The following CCDC178 variants were observed in gnomAD, a reference collection of about 807,000 sequenced individuals.
CCDC178 encodes coiled-coil domain-containing protein 178.
In CCDC178, 126 loss-of-function variants were observed where a neutral mutation model predicts 117.4. The ratio of observed to expected loss-of-function variants is 1.07; its 90% CI spans 0.93 to 1.24. CCDC178 has a LOEUF of 1.24. CCDC178 is among the 50% of genes most tolerant of loss of function. The pLI is 0.00. For missense variants in CCDC178, 1,030 were observed against 986.9 expected (o/e 1.04, Z -0.59); for synonymous variants, 283 against 313.4 (o/e 0.90, Z 1.02).
At chr18:33,066,789 C>G (rs533643981) in intron 21 of CCDC178, among the ~76,000 whole-genome samples, 1 of 152,188 alleles carries the variant, frequency 6.6e-6, no homozygotes, top group Non-Finnish European at 1.5e-5. Flanking sequence ...AGGACTAATC[C>G]ATCAAGAGGA....
At chr18:32,962,385 T>C (rs1288627081) in intron 22 of CCDC178, among the ~76,000 whole-genome samples, 3 of 152,218 alleles carry the variant, frequency 2.0e-5, no homozygotes, top group Non-Finnish European at 4.4e-5. Flanking sequence ...GGTTTTCTTC[T>C]GGTCATTTCC....
chr18:33,251,184 C>T, intron 14 of CCDC178, among the ~76,000 whole-genome samples: 1 of 151,582 alleles, frequency 6.6e-6, no homozygotes, highest in Admixed American at 6.6e-5. Flanking sequence ...TTTGTGTTTT[C>T]ATACTTTATA....
At chr18:33,305,934 C>A (rs531599024) in intron 11 of CCDC178, among the ~76,000 whole-genome samples, 1 of 152,116 alleles carries the variant, frequency 6.6e-6, no homozygotes, top group Non-Finnish European at 1.5e-5. Context: ...ACTCAGCTGG[C>A]CTTCAAGAAG....
intron 20 of CCDC178, among the ~76,000 whole-genome samples, chr18:33,101,837 T>A (rs1031058004): frequency 6.6e-6 from 1 of 152,002 alleles, no homozygotes; most frequent in Admixed American, 6.6e-5. Flanking sequence ...GATTAAAATA[T>A]GTATATTTTG....
intron 20 of CCDC178, among the ~76,000 whole-genome samples, chr18:33,129,264 A>G (rs1034414732): frequency 1.1e-4 from 17 of 152,154 alleles, no homozygotes; most frequent in Admixed American, 9.2e-4. Context: ...AATACTGTTG[A>G]GTGCAAGACA....
intron 13 of CCDC178, 49 bp downstream of exon 13, chr18:33,267,153 G>T: frequency 6.5e-7 from 1 of 1,535,836 alleles, no homozygotes; most frequent in South Asian, 1.2e-5. Flanking sequence ...TTAATATTTG[G>T]AAATAGAAAA....
chr18:33,408,948 A>C (rs1241007998), intron 3 of CCDC178, among the ~76,000 whole-genome samples: 1 of 152,234 alleles, frequency 6.6e-6, no homozygotes, highest in African/African-American at 2.4e-5. Flanking sequence ...AACCATTTGT[A>C]AATGTGACTC....
At chr18:33,199,777 A>G (rs1467754735) in intron 20 of CCDC178, among the ~76,000 whole-genome samples, 3 of 152,178 alleles carry the variant, frequency 2.0e-5, no homozygotes, top group African/African-American at 7.2e-5. Context: ...GCATATGCTT[A>G]TAATTTCTGC....
At chr18:33,353,836 C>T (rs1462091467) in intron 7 of CCDC178, among the ~76,000 whole-genome samples, 2 of 152,064 alleles carry the variant, frequency 1.3e-5, no homozygotes, top group African/African-American at 4.8e-5. Flanking sequence ...CAAAAATACA[C>T]TTATACTGGA....
intron 12 of CCDC178, among the ~76,000 whole-genome samples, chr18:33,279,186 A>C (rs1362317312): frequency 6.6e-6 from 1 of 152,096 alleles, no homozygotes; most frequent in Non-Finnish European, 1.5e-5. Flanking sequence ...CAGACGACAT[A>C]ATTCTATATC....
At chr18:33,183,257 T>C (rs1360244563) in intron 20 of CCDC178, among the ~76,000 whole-genome samples, 1 of 152,054 alleles carries the variant, frequency 6.6e-6, no homozygotes, top group Non-Finnish European at 1.5e-5. Context: ...TCTCAAATTG[T>C]TTCACTTCAA....
At chr18:33,202,131 A>G (rs958499919) in intron 20 of CCDC178, among the ~76,000 whole-genome samples, 1 of 151,946 alleles carries the variant, frequency 6.6e-6, no homozygotes, top group African/African-American at 2.4e-5. Flanking sequence ...GCGGTGGTTC[A>G]CGCCTGTAAT....
intron 2 of CCDC178, among the ~76,000 whole-genome samples, chr18:33,415,382 T>G (rs2063922574): frequency 2.0e-5 from 3 of 152,132 alleles, no homozygotes; most frequent in Admixed American, 2.0e-4. Context: ...TAAAAAATGA[T>G]GAGTTCATGT....
intron 18 of CCDC178, among the ~76,000 whole-genome samples, chr18:33,218,062 C>G (rs372521755): frequency 1.8e-4 from 27 of 152,142 alleles, no homozygotes; most frequent in Middle Eastern, 6.8e-3. Flanking sequence ...CTATTATTTT[C>G]TCTGTAATTT....
chr18:33,084,498 A>G (rs1209481935), intron 21 of CCDC178, among the ~76,000 whole-genome samples: 2 of 151,982 alleles, frequency 1.3e-5, no homozygotes, highest in Non-Finnish European at 2.9e-5. Context: ...ATGTGTTCTA[A>G]TTGGTGTTTG....
chr18:33,361,239 G>A (rs2063123203), intron 6 of CCDC178, among the ~76,000 whole-genome samples: 1 of 151,570 alleles, frequency 6.6e-6, no homozygotes, highest in Admixed American at 6.6e-5. Flanking sequence ...ACACAATGAG[G>A]AAAGAATAGT....
chr18:33,293,352 G>GA, intron 11 of CCDC178, 40 bp from the exon 12 acceptor site: 2 of 1,254,782 alleles, frequency 1.6e-6, no homozygotes, highest in South Asian at 1.5e-5. Flanking sequence ...CACATTAAAA[G>GA]AAAAAATATA....
intron 21 of CCDC178, among the ~76,000 whole-genome samples, chr18:33,042,647 C>T (rs2056570694): frequency 6.6e-6 from 1 of 151,760 alleles, no homozygotes. Flanking sequence ...GTTTTAATTT[C>T]CCTTGGTGTG....
At chr18:33,148,409 C>A (rs868578342) in intron 20 of CCDC178, among the ~76,000 whole-genome samples, 4 of 150,674 alleles carry the variant, frequency 2.7e-5, no homozygotes, top group South Asian at 2.1e-4. Flanking sequence ...CAGAGGGAGA[C>A]CGTGGAGAGA....
Sources: gnomAD v4.1 joint callset for allele counts (sites outside exome capture counted in the v4.1 genomes callset) on GRCh38, gnomAD v4.1.1 for gene constraint, MANE v1.5 for transcripts, NCBI Gene and HGNC (gene_info 2026-07-23, HGNC 2026-07-21) for gene names.